Variants in MRI1 observed in about 807,000 individuals in gnomAD.
MRI1 encodes the protein methylthioribose-1-phosphate isomerase 1.
A neutral mutation model predicts 27.3 loss-of-function variants in MRI1; 32 were observed. That is an observed-to-expected ratio of 1.17 (90% CI 0.88 to 1.57). MRI1 has a LOEUF of 1.57. Among genes scored for constraint, MRI1 ranks in the 40% most tolerant of loss-of-function variants. The pLI is 0.00. For synonymous variants in MRI1, 216 were observed against 227.4 expected, an observed-to-expected ratio of 0.95 and a Z score of 0.45; for missense variants, 508 against 516.1, an observed-to-expected ratio of 0.98 and a Z score of 0.15.
In MRI1 at chr19:13,772,564, C is replaced by G; in HGVS notation, c.*283C>G. The G allele has an allele frequency of 4.0e-6, 1 of 252,910 alleles. No homozygotes were observed. Among genetic ancestry groups the G allele is most frequent in the Non-Finnish European group, 7.7e-6 (1 of 129,168 alleles). The allele number at this position is 252,910 out of a possible 1,614,324, so 15.7% of individuals were successfully genotyped here. A position where few individuals can be genotyped will look rare whatever the true frequency, so the allele number is the denominator to read the frequency against. On this transcript the variant is annotated 3_prime_UTR_variant, in exon 6 of 6. Coordinates refer to ENST00000040663, the MANE Select transcript of MRI1 (RefSeq NM_001031727.4). ...GGATAACAGGCCGGGCGCAGTGGCT[C>G]ACACCTGTAATCCCAGCACTTTGGG...
At chr19:13,765,910 C>T in intron 2 of MRI1, 44 bp from the exon 3 acceptor site, 3 of 1,548,970 alleles carry the variant, frequency 1.9e-6, no homozygotes, top group Non-Finnish European at 2.6e-6. Flanking sequence ...TGGCCTGGGC[C>T]CCGGGTCCTG....
At chr19:13,766,548 A>C (rs953782466) in intron 3 of MRI1, among the ~76,000 whole-genome samples, 12 of 152,112 alleles carry the variant, frequency 7.9e-5, no homozygotes, top group Non-Finnish European at 1.5e-4. Context: ...TCCAGGAGGA[A>C]CTGGGGAGAA....
Position 13,764,526 on chromosome 19 carries a change from C to T in MRI1, c.-63C>T. 1 of 1,582,998 alleles carries T rather than the reference C, an allele frequency of 6.3e-7. No homozygotes were observed. The highest frequency in any genetic ancestry group is 1.1e-5 in the South Asian group (1 of 90,722). Reference sequence around the variant, plus strand: ...GGAGGCTCCGCCCACGGCCCCGCCCCGCTCCCAAGTGCGCGCGGACCCCTA... The same window carrying T: ...GGAGGCTCCGCCCACGGCCCCGCCCTGCTCCCAAGTGCGCGCGGACCCCTA... On this transcript the variant is annotated 5_prime_UTR_variant, in exon 1 of 6. Transcript: ENST00000040663.
rs751360267 is a variant in MRI1, at chr19:13,766,091, C to G, written c.509C>G (p.Thr170Ser). 13 of 1,606,776 alleles carry G rather than the reference C, an allele frequency of 8.1e-6. No homozygotes were observed. The Admixed American group carries it at 2.2e-4, about 27-fold the overall frequency. Reference sequence around the variant, plus strand: ...GTGACTGTGCTGACCCACTGTAACACTGGTGCTCTGGCCACCGCTGGCTAT... The same window carrying G: ...GTGACTGTGCTGACCCACTGTAACAGTGGTGCTCTGGCCACCGCTGGCTAT... Reference protein sequence around the residue: ...GKVTVLTHCNTGALATAGYGT... With the variant: ...GKVTVLTHCNSGALATAGYGT... The change falls in exon 3 of 6, where the codon ACT (threonine) becomes AGT (serine). Residue 170 changes from threonine (T) to serine (S), a missense_variant. This residue lies in a region of MRI1 where 457 missense variants were observed against 452.8 expected (regional missense o/e 1.01). Transcript: ENST00000040663.
chr19:13,767,048 T>G (rs1381928101), intron 3 of MRI1, among the ~76,000 whole-genome samples: 1 of 37,810 alleles, frequency 2.6e-5, no homozygotes, highest in Non-Finnish European at 4.3e-5. Context: ...TTTTTTTTTT[T>G]TTTTTTTTTT....
intron 5 of MRI1, among the ~76,000 whole-genome samples, chr19:13,771,392 A>G (rs1280239034): frequency 2.6e-5 from 4 of 151,834 alleles, no homozygotes; most frequent in Admixed American, 2.0e-4. Context: ...ACAGCTAGAC[A>G]TGATGGTGCA....
chr19:13,771,027 G>A (rs1974257693), intron 5 of MRI1, among the ~76,000 whole-genome samples: 1 of 151,984 alleles, frequency 6.6e-6, no homozygotes, highest in South Asian at 2.1e-4. Context: ...AGGAGTTCAA[G>A]ACCAGCCTGG....
chr19:13,764,689 A>G lies in MRI1; in HGVS notation c.101A>G (p.His34Arg). 6.4e-7 allele frequency: 1 copy of G among 1,571,576 alleles called. No homozygotes were observed. Among genetic ancestry groups the G allele is most frequent in the Non-Finnish European group, 8.6e-7 (1 of 1,162,806 alleles). Residue 34 changes from histidine to arginine, a missense_variant, in exon 1 of 6, where the codon CAC (histidine) becomes CGC (arginine). His to Arg is a conservative substitution (Grantham distance 29). Around this residue, in one of 3 missense-constraint regions of MRI1, gnomAD observed 19 missense variants for 43.0 expected, o/e 0.44. Transcript: ENST00000040663. The stretch of plus-strand genomic sequence containing the variant: ...CGCTACGAGGCGGTGGGCTCGGTGC[A>G]CCAGGCCTGGGAGGCCATCCGCGCC... ...QSRYEAVGSV[H>R]QAWEAIRAMK...
intron 2 of MRI1, 110 bp from the exon 3 acceptor site, chr19:13,765,844 G>A (rs1974109660): frequency 1.6e-6 from 2 of 1,255,824 alleles, no homozygotes; most frequent in Non-Finnish European, 2.2e-6. Context: ...CCACAGCAAT[G>A]AGAGGCTTTG....
rs748215741 is a variant in MRI1 at position 13,764,555 on chromosome 19, C to A, written c.-34C>A. On this transcript the variant is annotated 5_prime_UTR_variant, in exon 1 of 6. Transcript: ENST00000040663. Reference sequence around the variant, plus strand: ...CCCAAGTGCGCGCGGACCCCTAGCTCCCTCTGAGTTGCGCTGGGCTTGGCT... The same window carrying A: ...CCCAAGTGCGCGCGGACCCCTAGCTACCTCTGAGTTGCGCTGGGCTTGGCT... 7.5e-6 allele frequency: 12 copies of A among 1,599,116 alleles called. No homozygotes were observed. The South Asian group carries it at 9.9e-5, about 13-fold the overall frequency.
At position 13,764,584 on chromosome 19, in the gene MRI1, G is replaced by T; in HGVS notation, c.-5G>T. 1 of 1,607,780 alleles carries T rather than the reference G, an allele frequency of 6.2e-7. No homozygotes were observed. On this transcript the variant is annotated 5_prime_UTR_variant, in exon 1 of 6. Coordinates refer to ENST00000040663, the MANE Select transcript of MRI1 (RefSeq NM_001031727.4). ...CTGAGTTGCGCTGGGCTTGGCTGCT[G>T]CACCATGACCCTGGAGGCGATCCGC...
At position 13,768,810 on chromosome 19, in the gene MRI1, C is replaced by T. The variant is rs529235615; in HGVS notation, c.725-14C>T. 20 of 1,593,744 alleles carry T rather than the reference C, an allele frequency of 1.3e-5. No individual in the cohort carries two copies. The highest frequency in any genetic ancestry group is 1.7e-4 in the Middle Eastern group (1 of 5,990). ...AGGTAATGACCCCCAACTTCTCATA[C>T]GCCCCCTCCCCAGCTGTGGTCGTGG... On this transcript the variant is annotated splice_polypyrimidine_tract_variant and intron_variant, in intron 4 of 5. Transcript: ENST00000040663.
chr19:13,767,780 A>T (rs1268801260), intron 3 of MRI1, among the ~76,000 whole-genome samples: 1 of 149,282 alleles, frequency 6.7e-6, no homozygotes, highest in Admixed American at 6.7e-5. Flanking sequence ...CCCAGGCTGG[A>T]GTGCCATGGC....
Position 13,769,130 on chromosome 19 carries a change from T to G in MRI1, c.949+82T>G, listed in dbSNP as rs1974217087. 3 of 1,175,968 alleles carry G rather than the reference T, an allele frequency of 2.6e-6. No homozygotes were observed. In the Admixed American group the frequency reaches 7.0e-5, roughly 28 times the overall value. 72.8% of individuals were successfully genotyped at this position (1,175,968 alleles called of 1,614,324 possible). On this transcript the variant is annotated intron_variant, in intron 5 of 5. Transcript: ENST00000040663. ...GGTGATATGCAGGTCCTTGTCATCC[T>G]TCTGGAACATACACAGCTCCTACAA... is the stretch of plus-strand genomic sequence containing the variant.
intron 5 of MRI1, among the ~76,000 whole-genome samples, chr19:13,769,473 C>A (rs551423453): frequency 2.0e-5 from 3 of 152,116 alleles, no homozygotes; most frequent in Non-Finnish European, 2.9e-5. Flanking sequence ...GCCCAAGCCA[C>A]TTCTTCTAAC....
intron 5 of MRI1, 133 bp from the exon 6 acceptor site, chr19:13,771,988 T>A: frequency 1.2e-5 from 9 of 758,442 alleles, no homozygotes; most frequent in Non-Finnish European, 1.7e-5. Context: ...CATGTACTTT[T>A]GGGGTGAGAA....
At position 13,769,043 on chromosome 19, in the gene MRI1, C is replaced by G; in HGVS notation, c.944C>G (p.Ala315Gly). The change falls in exon 5 of 6, where the codon GCA becomes GGA. Residue 315 changes from alanine to glycine, a missense_variant. By Grantham distance (60) the Ala-to-Gly change is moderately conservative. Around this residue, in one of 3 missense-constraint regions of MRI1, gnomAD observed 457 missense variants for 452.8 expected, o/e 1.01. Transcript: ENST00000040663. ...LTDVNGVRIA[A>G]PGIGVWNPAF... ...GATGTTAATGGGGTCCGGATTGCAG[C>G]ACCTGGTAAGCTGCCCCCTCAGAAA... 6.2e-7 allele frequency: 1 copy of G among 1,605,232 alleles called. No individual in the cohort carries two copies. The highest frequency in any genetic ancestry group is 8.5e-7 in the Non-Finnish European group (1 of 1,173,998).
In MRI1 at chr19:13,772,162, G is replaced by A. The variant is rs142055515; in HGVS notation, c.991G>A (p.Asp331Asn). 3.7e-5 allele frequency: 59 copies of A among 1,613,648 alleles called. No homozygotes were observed. The highest frequency in any genetic ancestry group is 3.3e-4 in the Middle Eastern group (2 of 6,082). The change falls in exon 6 of 6, where the codon GAC becomes AAC. Residue 331 changes from aspartate (D) to asparagine (N), a missense_variant. Physicochemically the swap from Asp to Asn is conservative, Grantham distance 23 (BLOSUM62 1). Transcript: ENST00000040663. ...TCCTGCCTTCGATGTCACCCCCCAC[G>A]ACCTCATCACTGGTGGCATCATCAC... ...WNPAFDVTPHDLITGGIITEL... is the reference protein window; with the variant it reads ...WNPAFDVTPHNLITGGIITEL...
At position 13,768,681 on chromosome 19, in the gene MRI1, C is replaced by T. The variant is rs1246844832; in HGVS notation, c.668C>T (p.Ala223Val). The T allele has an allele frequency of 6.2e-7, 1 of 1,614,024 alleles. No homozygotes were observed. The highest frequency in any genetic ancestry group is 2.2e-5 in the East Asian group (1 of 44,890). ...AFELVYEQIP[A>V]TLITDSMVAA... ...GAGCTGGTCTATGAGCAGATCCCCG[C>T]CACCCTTATCACCGACAGCATGGTG... Residue 223 changes from alanine (A) to valine (V), a missense_variant, in exon 4 of 6, where the codon GCC (alanine) becomes GTC (valine). Transcript: ENST00000040663.
Sources: allele counts gnomAD v4.1 joint callset (sites outside exome capture counted in the v4.1 genomes callset), GRCh38; gene constraint gnomAD v4.1.1; regional missense constraint gnomAD v4.1.1; transcripts MANE v1.5; gene names NCBI Gene and HGNC (gene_info 2026-07-23, HGNC 2026-07-21).